ZNF674: variants seen among roughly 807,000 people sequenced by gnomAD.
ZNF674 encodes zinc finger protein 674, also known as zinc finger family member 674.
A neutral mutation model predicts 7.0 loss-of-function variants in ZNF674; 2 were observed. That is an observed-to-expected ratio of 0.29 (90% CI 0.12 to 0.90). The LOEUF is 0.90. ZNF674 is among the 40% of genes least tolerant of loss of function. ZNF674 has a pLI of 0.57. For synonymous variants in ZNF674, 103 were observed against 145.2 expected (o/e 0.71, Z 2.09); for missense variants, 297 against 415.5 (o/e 0.71, Z 2.48).
Position 46,500,932 on chromosome X carries a change from A to G in ZNF674, c.642T>C (p.Thr214=), listed in dbSNP as rs1602041278. 1.7e-6 allele frequency: 2 copies of G among 1,188,519 alleles called. No homozygotes were observed. Among genetic ancestry groups the G allele is most frequent in the East Asian group, 3.0e-5 (1 of 33,171 alleles). ...QALRKSQRSQ[T]GEKLYKCTEC... is the part of the protein sequence containing the mutation. Reference sequence around the variant, plus strand: ...CAGTACATTTGTAGAGTTTCTCCCCAGTTTGACTTCTCTGACTTTTTCTAA... The same window carrying G: ...CAGTACATTTGTAGAGTTTCTCCCCGGTTTGACTTCTCTGACTTTTTCTAA... Residue 214 remains threonine (T), a synonymous_variant, in exon 6 of 6, where the codon ACT becomes ACC. Transcript: ENST00000683375.
chrX:46,537,785 T>A (rs575479598), intron 3 of ZNF674, among the ~76,000 whole-genome samples: 2 of 112,403 alleles, frequency 1.8e-5, no homozygotes, highest in East Asian at 5.6e-4. Context: ...TTTTCCATCT[T>A]CATTAAAAAT....
At chrX:46,523,064 G>C (rs923383212) in intron 5 of ZNF674, 1 of 207,586 alleles carries the variant, frequency 4.8e-6, no homozygotes, top group African/African-American at 3.1e-5. Flanking sequence ...CTTCTGAAAA[G>C]TACGCACGTG....
intron 5 of ZNF674, among the ~76,000 whole-genome samples, chrX:46,510,227 C>T (rs1000426257): frequency 4.3e-4 from 47 of 108,815 alleles, no homozygotes; most frequent in Non-Finnish European, 7.8e-4. Flanking sequence ...CAGCATGGCA[C>T]ATGTATACAT....
chrX:46,506,285 G>A (rs886172277), intron 5 of ZNF674, among the ~76,000 whole-genome samples: 7 of 111,272 alleles, frequency 6.3e-5, no homozygotes, highest in Admixed American at 3.9e-4. Flanking sequence ...GGTATGATGT[G>A]CCTATTTTTA....
At chrX:46,510,283 G>T (rs1602054891) in intron 5 of ZNF674, among the ~76,000 whole-genome samples, 1 of 110,387 alleles carries the variant, frequency 9.1e-6, no homozygotes, top group African/African-American at 3.3e-5. Context: ...AAAACTTAAA[G>T]TATAATAATT....
chrX:46,538,987 C>A (rs748908132), intron 3 of ZNF674, among the ~76,000 whole-genome samples: 2 of 109,211 alleles, frequency 1.8e-5, no homozygotes, highest in African/African-American at 6.7e-5. Flanking sequence ...GAGTTAGAGA[C>A]CAGCCTGGGC....
chrX:46,536,014 C>G (rs1036108252), intron 3 of ZNF674, among the ~76,000 whole-genome samples: 3 of 112,113 alleles, frequency 2.7e-5, no homozygotes, highest in Non-Finnish European at 5.6e-5. Flanking sequence ...CATATAAAGG[C>G]TGATTGATAC....
At chrX:46,534,181 A>G (rs1352138722) in intron 3 of ZNF674, among the ~76,000 whole-genome samples, 2 of 110,222 alleles carry the variant, frequency 1.8e-5, no homozygotes, top group African/African-American at 6.6e-5. Context: ...AACCGCCCCC[A>G]TGACCCATTA....
intron 3 of ZNF674, 92 bp downstream of exon 3, chrX:46,541,981 A>G: frequency 1.3e-6 from 1 of 766,803 alleles, no homozygotes; most frequent in Non-Finnish European, 2.0e-6. Context: ...GCCAGAGAAG[A>G]GGGGATAATT....
Position 46,499,742 on chromosome X carries a change from A to G in ZNF674, c.*101T>C. ...ATGAAGAATTTCCAATATTCTGGAC[A>G]TTTATAAGATTACTCGCCATGATTA... On this transcript the variant is annotated 3_prime_UTR_variant, in exon 6 of 6. Transcript: ENST00000683375. 3 of 638,290 alleles carry G rather than the reference A, an allele frequency of 4.7e-6. No homozygotes were observed. Among genetic ancestry groups the G allele is most frequent in the Non-Finnish European group, 6.7e-6 (3 of 447,923 alleles). The allele number at this position is 638,290 out of a possible 1,213,427, so 52.6% of individuals were successfully genotyped here.
At chrX:46,542,838 T>C (rs1162442853) in intron 2 of ZNF674, among the ~76,000 whole-genome samples, 4 of 112,454 alleles carry the variant, frequency 3.6e-5, no homozygotes, top group African/African-American at 1.3e-4. Flanking sequence ...TTTCTGAACT[T>C]TGTTTTCAGT....
At chrX:46,534,804 G>A (rs1170715650) in intron 3 of ZNF674, among the ~76,000 whole-genome samples, 4 of 109,447 alleles carry the variant, frequency 3.7e-5, no homozygotes, top group African/African-American at 1.3e-4. Flanking sequence ...GCAGTGTTGT[G>A]ATCTCAGCTC....
chrX:46,514,168 T>TTCTC (rs1015577311), intron 5 of ZNF674, among the ~76,000 whole-genome samples: 1 of 111,887 alleles, frequency 8.9e-6, no homozygotes, highest in Non-Finnish European at 1.9e-5. Flanking sequence ...CTGCGGCATT[T>TTCTC]TCTCTCTCCA....
At chrX:46,534,701 C>A (rs1942171495) in intron 3 of ZNF674, among the ~76,000 whole-genome samples, 1 of 109,258 alleles carries the variant, frequency 9.2e-6, no homozygotes. Flanking sequence ...TAAAATAGAT[C>A]AAAGTTTTTA....
intron 5 of ZNF674, among the ~76,000 whole-genome samples, chrX:46,511,713 C>A (rs1285003860): frequency 2.9e-3 from 330 of 112,388 alleles, no homozygotes; most frequent in Non-Finnish European, 5.5e-3. Flanking sequence ...TAGCTCTTAA[C>A]AGCATTAATT....
chrX:46,508,760 CTGTT>C (rs762646367), intron 5 of ZNF674, among the ~76,000 whole-genome samples: 146 of 111,023 alleles, frequency 1.3e-3, no homozygotes, highest in Middle Eastern at 4.6e-3. Context: ...ATTTGGTTCT[CTGTT>C]TGTCTGTTAT....
At chrX:46,502,801 G>A in intron 5 of ZNF674, among the ~76,000 whole-genome samples, 1 of 112,269 alleles carries the variant, frequency 8.9e-6, no homozygotes, top group East Asian at 2.8e-4. Context: ...GCACATGGAT[G>A]CCTCCAGATT....
rs1044357408 is a variant in ZNF674, at chrX:46,500,001, A to G, written c.1573T>C (p.Cys525Arg). Residue 525 changes from cysteine (C) to arginine (R), a missense_variant, in exon 6 of 6, where the codon TGT becomes CGT. Cys to Arg is a radical substitution (Grantham distance 180). Coordinates refer to ENST00000683375, the MANE Select transcript of ZNF674 (RefSeq NM_001190417.2). ...GATTTCACACTGAAGGCCTTCCCAC[A>G]TTCACTACATTTGTAAGGTTTTTCT... ...TGEKPYKCSE[C>R]GKAFSVKSTL... 5.8e-6 allele frequency: 7 copies of G among 1,206,779 alleles called. No homozygotes were observed. In the Admixed American group the frequency reaches 1.5e-4, roughly 27 times the overall value.
chrX:46,541,032 G>A (rs183669894), intron 3 of ZNF674, among the ~76,000 whole-genome samples: 227 of 93,503 alleles, frequency 2.4e-3, no homozygotes, highest in Middle Eastern at 0.017. Context: ...CCACTGCACC[G>A]CAGCCTGGGC....
Sources: allele counts gnomAD v4.1 joint callset (sites outside exome capture counted in the v4.1 genomes callset), GRCh38; gene constraint gnomAD v4.1.1; transcripts MANE v1.5; gene names NCBI Gene and HGNC (gene_info 2026-07-23, HGNC 2026-07-21).